The following C4orf50 variants were observed in gnomAD, a reference collection of about 807,000 sequenced individuals.
C4orf50 encodes the protein chromosome 4 open reading frame 50.
In C4orf50, 80 loss-of-function variants were observed where a neutral mutation model predicts 77.2. That is an observed-to-expected ratio of 1.04 (90% CI 0.87 to 1.25). The LOEUF is 1.25. Among genes scored for constraint, C4orf50 ranks in the 50% most tolerant of loss-of-function variants. The pLI, the probability that C4orf50 is intolerant of heterozygous loss-of-function variation, is 0.00. For synonymous variants in C4orf50, 532 were observed against 465.3 expected, an observed-to-expected ratio of 1.14 and a Z score of -1.84; for missense variants, 1,257 against 1,152.9, an observed-to-expected ratio of 1.09 and a Z score of -1.31.
intron 25 of C4orf50, among the ~76,000 whole-genome samples, chr4:5,998,423 T>C (rs1364396794): frequency 1.3e-5 from 2 of 152,198 alleles, no homozygotes; most frequent in African/African-American, 4.8e-5. Context: ...AAATGTGTAA[T>C]ACCCTGCTCT....
chr4:5,909,514 A>G (rs1207118386), intron 7 of C4orf50, among the ~76,000 whole-genome samples: 1 of 152,142 alleles, frequency 6.6e-6, no homozygotes, highest in Non-Finnish European at 1.5e-5. Flanking sequence ...TTTTAGTTTG[A>G]TACAATCACA....
intron 7 of C4orf50, among the ~76,000 whole-genome samples, chr4:5,946,739 T>A (rs543169928): frequency 6.6e-6 from 1 of 152,374 alleles, no homozygotes; most frequent in East Asian, 1.9e-4. Context: ...CTCCAGCCAA[T>A]GGAGACAGGA....
Position 6,018,281 on chromosome 4 carries a change from C to T in C4orf50, c.151G>A (p.Glu51Lys), listed in dbSNP as rs986139109. ...CCAGCTGCTTCTTCCTGAAGACATTCCCGCTCCTCAGCACTATCTTCCATG... is the reference window on the plus strand; with the variant it reads ...CCAGCTGCTTCTTCCTGAAGACATTTCCGCTCCTCAGCACTATCTTCCATG... Residue 51 changes from glutamate (E) to lysine (K), a missense_variant, in exon 23 of 34, where the codon GAA (glutamate) becomes AAA (lysine). Glu to Lys is a moderately conservative substitution (Grantham distance 56). Transcript: ENST00000531445. The surrounding 1 kb of genome is among the most constrained non-coding windows in gnomAD (Gnocchi z 5.1). The T allele has an allele frequency of 7.5e-6, 3 of 398,906 alleles. No homozygotes were observed. The highest frequency in any genetic ancestry group is 1.3e-5 in the Non-Finnish European group (3 of 226,102). 24.7% of individuals were successfully genotyped at this position (398,906 alleles called of 1,614,324 possible).
chr4:5,932,690 C>A lies in C4orf50; in HGVS notation c.*2474+24211G>T, dbSNP rs768777336. On this transcript the variant is annotated intron_variant, in intron 7 of 7. Transcript: ENST00000324058. This position sits in a 1 kb window ranked among gnomAD's most constrained non-coding sequence, Gnocchi z 4.2. Reference sequence around the variant, plus strand: ...CTCTTGGGCTCAGGCAATTCTCTTACCTCAGCCTCCCAAAGTGCTGAGATA... The same window carrying A: ...CTCTTGGGCTCAGGCAATTCTCTTAACTCAGCCTCCCAAAGTGCTGAGATA... 1.3e-5 allele frequency among the ~76,000 whole-genome samples: 2 copies of A among 152,276 alleles called. No homozygotes were observed. Among genetic ancestry groups the A allele is most frequent in the East Asian group, 3.9e-4 (2 of 5,172 alleles).
chr4:5,939,985 A>C (rs6819227), intron 7 of C4orf50, among the ~76,000 whole-genome samples: 35,795 of 152,160 alleles, frequency 0.24, 5,364 homozygotes, highest in African/African-American at 0.42. Flanking sequence ...CCCTCGGATC[A>C]TGCTAATGCT....
chr4:5,947,584 C>T (rs1718536882), intron 7 of C4orf50, among the ~76,000 whole-genome samples: 2 of 152,264 alleles, frequency 1.3e-5, no homozygotes, highest in East Asian at 1.9e-4. Flanking sequence ...CTAGGGAGCC[C>T]CTTCAAATCA....
intron 25 of C4orf50, among the ~76,000 whole-genome samples, chr4:6,003,967 T>G (rs1722013841): frequency 7.7e-6 from 1 of 129,398 alleles, no homozygotes; most frequent in African/African-American, 3.0e-5. Context: ...GGTGATGATG[T>G]GATGGCGATG....
chr4:5,927,905 A>G (rs769597399), intron 7 of C4orf50, among the ~76,000 whole-genome samples: 1 of 151,836 alleles, frequency 6.6e-6, no homozygotes, highest in Non-Finnish European at 1.5e-5. Context: ...CCCCTCCCCA[A>G]CACCTGCCTG....
intron 25 of C4orf50, among the ~76,000 whole-genome samples, chr4:5,995,458 G>C (rs549517726): frequency 2.1e-5 from 3 of 145,722 alleles, no homozygotes; most frequent in Admixed American, 7.1e-5. Flanking sequence ...CCACAGGGGA[G>C]AGGCTTGGGA....
rs1244622972 is a variant in C4orf50, at chr4:5,967,600, T to C, written c.4105-138A>G. ...CTTTCTGTGTAGGACCAACCCTGCC[T>C]GTGTGCATGAAGACCTCCCTCCTCT... On this transcript the variant is annotated intron_variant, in intron 31 of 33. Transcript: ENST00000531445. 6 of 715,728 alleles carry C rather than the reference T, an allele frequency of 8.4e-6. No individual in the cohort carries two copies. In the Admixed American group the frequency reaches 9.5e-5, roughly 11 times the overall value. The allele number at this position is 715,728 out of a possible 1,614,324, so 44.3% of individuals were successfully genotyped here.
chr4:5,989,962 G>A, exon 28 of C4orf50: 1 of 1,413,494 alleles, frequency 7.1e-7, no homozygotes, highest in Non-Finnish European at 9.2e-7. Context: ...CCTCCCAGTG[G>A]CTCTGACTTT....
At chr4:6,014,169 A>G (rs1489487593) in intron 23 of C4orf50, among the ~76,000 whole-genome samples, 1 of 151,874 alleles carries the variant, frequency 6.6e-6, no homozygotes, top group Non-Finnish European at 1.5e-5. Context: ...CGCCTGGCTA[A>G]TTTTGTATTT....
intron 7 of C4orf50, among the ~76,000 whole-genome samples, chr4:5,931,920 G>A (rs73067468): frequency 6.6e-6 from 1 of 152,136 alleles, no homozygotes; most frequent in East Asian, 1.9e-4. Context: ...GGGAAGCCGA[G>A]GCTGGAAAGG....
At chr4:5,963,592 A>G (rs992862658) in intron 33 of C4orf50, among the ~76,000 whole-genome samples, 1 of 152,258 alleles carries the variant, frequency 6.6e-6, no homozygotes, top group Non-Finnish European at 1.5e-5. Flanking sequence ...TTTTAGATAA[A>G]ATAAATTAAT....
chr4:5,987,519 G>A (rs759889324), intron 28 of C4orf50, among the ~76,000 whole-genome samples: 24 of 149,772 alleles, frequency 1.6e-4, no homozygotes, highest in Non-Finnish European at 3.1e-4. Context: ...CAGATTCTTT[G>A]AAATGACTGA....
At chr4:5,948,993 G>A (rs6854535) in intron 7 of C4orf50, among the ~76,000 whole-genome samples, 101,294 of 147,352 alleles carry the variant, frequency 0.69, 35,993 homozygotes, top group African/African-American at 0.8. Context: ...AGAAAGAGAG[G>A]CAGCCAGACA....
intron 29 of C4orf50, among the ~76,000 whole-genome samples, chr4:5,977,093 G>A (rs1241497376): frequency 1.3e-5 from 2 of 152,168 alleles, no homozygotes; most frequent in Non-Finnish European, 2.9e-5. Flanking sequence ...GCTGCCTTCC[G>A]CCACCCTGCA....
Position 5,978,641 on chromosome 4 carries a change from T to C in C4orf50, c.3864+1533A>G, listed in dbSNP as rs184266278. 2.6e-4 allele frequency among the ~76,000 whole-genome samples: 40 copies of C among 152,368 alleles called. 1 individual carries two copies. In the East Asian group the frequency reaches 7.5e-3, roughly 29 times the overall value. On this transcript the variant is annotated intron_variant, in intron 29 of 33. Transcript: ENST00000531445. ...GTGAACGAGACACACTCATTTATTG[T>C]TGGTGGCATGGAAGTGGATACCACT... is the stretch of plus-strand genomic sequence containing the variant.
At chr4:5,950,664 T>C (rs150675480) in intron 7 of C4orf50, among the ~76,000 whole-genome samples, 87 of 151,352 alleles carry the variant, frequency 5.7e-4, no homozygotes, top group African/African-American at 1.9e-3. Context: ...TAACATCCAA[T>C]AGAAAAGGTC....
Sources: gnomAD v4.1 joint callset for allele counts (sites outside exome capture counted in the v4.1 genomes callset) on GRCh38, gnomAD v4.1.1 for gene constraint, Gnocchi (gnomAD v3.1) non-coding constraint, MANE v1.5 for transcripts, NCBI Gene and HGNC (gene_info 2026-07-23, HGNC 2026-07-21) for gene names.